PHTF2: variants seen among roughly 807,000 people sequenced by gnomAD.
PHTF2 encodes putative homeodomain transcription factor 2.
Under a neutral mutation model 101.2 loss-of-function variants are expected in PHTF2, and 60 were observed. The observed-to-expected ratio is 0.59, with a 90% CI of 0.48 to 0.73. The LOEUF (loss-of-function observed/expected upper bound fraction) is 0.73, where lower values mean the gene tolerates loss of function less well. PHTF2 is among the 30% of genes least tolerant of loss of function. PHTF2 has a pLI of 0.00. For missense variants in PHTF2, 747 were observed against 908.7 expected, an observed-to-expected ratio of 0.82 and a Z score of 2.29; for synonymous variants, 311 against 307.3, an observed-to-expected ratio of 1.01 and a Z score of -0.13.
intron 3 of PHTF2, among the ~76,000 whole-genome samples, chr7:77,867,010 G>A (rs1798123218): frequency 6.6e-6 from 1 of 152,132 alleles, no homozygotes; most frequent in South Asian, 2.1e-4. Flanking sequence ...TGACATAATG[G>A]TTAATTATTG....
chr7:77,936,787 C>T (rs560971526), intron 12 of PHTF2, among the ~76,000 whole-genome samples: 3 of 148,620 alleles, frequency 2.0e-5, no homozygotes, highest in Non-Finnish European at 4.4e-5. Context: ...TACTTCTCCT[C>T]TTGAAGTCTG....
intron 11 of PHTF2, among the ~76,000 whole-genome samples, chr7:77,927,157 C>CAAAAAAA (rs869210694): frequency 5.5e-4 from 20 of 36,524 alleles, no homozygotes; most frequent in African/African-American, 1.0e-3. Context: ...GACTCCATCT[C>CAAAAAAA]AAAAAAAAAA....
At chr7:77,941,842 G>A (rs1433470986) in intron 15 of PHTF2, among the ~76,000 whole-genome samples, 3 of 152,062 alleles carry the variant, frequency 2.0e-5, no homozygotes, top group Non-Finnish European at 4.4e-5. Context: ...ATTTAAAAAT[G>A]TATATTTGGC....
chr7:77,867,745 G>GT (rs1317176086), intron 3 of PHTF2, among the ~76,000 whole-genome samples: 1 of 152,212 alleles, frequency 6.6e-6, no homozygotes, highest in Admixed American at 6.5e-5. Context: ...ACAAGAGTAT[G>GT]TGAGAGCTTT....
chr7:77,916,920 A>G (rs543555255), intron 9 of PHTF2, among the ~76,000 whole-genome samples: 122 of 152,256 alleles, frequency 8.0e-4, no homozygotes, highest in African/African-American at 2.8e-3. Flanking sequence ...ACAAATATGG[A>G]ACCTGTGGAT....
intron 1 of PHTF2, 46 bp from the exon 2 acceptor site, chr7:77,840,175 G>T: frequency 9.9e-7 from 1 of 1,010,206 alleles, no homozygotes. Context: ...TCTCCTTTTG[G>T]AAGGTGGGAA....
chr7:77,864,200 C>T (rs1477464437), intron 3 of PHTF2, among the ~76,000 whole-genome samples: 1 of 152,172 alleles, frequency 6.6e-6, no homozygotes, highest in East Asian at 1.9e-4. Flanking sequence ...TACAGGAACT[C>T]ACATAAAGTT....
Position 77,954,840 on chromosome 7 carries a change from C to CTT in PHTF2, c.2338-17_2338-16insTT. On this transcript the variant is annotated splice_polypyrimidine_tract_variant and intron_variant, in intron 19 of 19. Coordinates refer to ENST00000416283, the Ensembl canonical transcript of PHTF2. ...TATTAAAACTGGCTTGTCACCACTT[C>CTT]TATTTTTTTTTTTCTAGCTATGGAA... 7.1e-7 allele frequency: 1 copy of CTT among 1,415,912 alleles called. No individual in the cohort carries two copies. Among genetic ancestry groups the CTT allele is most frequent in the Non-Finnish European group, 9.8e-7 (1 of 1,025,090 alleles). The allele number at this position is 1,415,912 out of a possible 1,614,324, so 87.7% of individuals were successfully genotyped here.
intron 12 of PHTF2, among the ~76,000 whole-genome samples, chr7:77,936,038 C>G (rs890450973): frequency 1.3e-5 from 2 of 152,126 alleles, no homozygotes; most frequent in African/African-American, 4.8e-5. Context: ...TCTTAGCACT[C>G]TTCAGGACCT....
At chr7:77,889,731 C>T (rs1800205385) in intron 3 of PHTF2, among the ~76,000 whole-genome samples, 1 of 151,814 alleles carries the variant, frequency 6.6e-6, no homozygotes, top group Admixed American at 6.6e-5. Flanking sequence ...GTGGGGACTA[C>T]AGGTCTGCAC....
chr7:77,912,786 G>T (rs975044476), intron 9 of PHTF2, among the ~76,000 whole-genome samples: 1 of 124,826 alleles, frequency 8.0e-6, no homozygotes, highest in Non-Finnish European at 1.6e-5. Context: ...TTGGTGGAGC[G>T]CAGTGGCGTG....
At chr7:77,806,634 T>C (rs185036335) in intron 1 of PHTF2, among the ~76,000 whole-genome samples, 1 of 152,324 alleles carries the variant, frequency 6.6e-6, no homozygotes, top group East Asian at 1.9e-4. Context: ...TTTCCTAATC[T>C]CTGCCTTTTA....
rs572203416 is a variant in PHTF2 at position 77,835,124 on chromosome 7, A to C, written c.-35-5097A>C. On this transcript the variant is annotated intron_variant, in intron 1 of 19. Coordinates refer to ENST00000416283, the Ensembl canonical transcript of PHTF2. ...CCTGTCTCTACTAAAAATACCAAAA[A>C]TTAGCCAGGCGTGGTGGTGGGCGCC... Among the ~76,000 whole-genome samples the C allele has an allele frequency of 3.7e-3, 562 of 152,204 alleles. 1 individual carries two copies. The highest frequency in any genetic ancestry group is 5.9e-3 in the Non-Finnish European group (401 of 67,992).
intron 3 of PHTF2, among the ~76,000 whole-genome samples, chr7:77,889,790 A>G (rs1453724299): frequency 6.6e-6 from 1 of 151,818 alleles, no homozygotes; most frequent in Admixed American, 6.6e-5. Flanking sequence ...TAGTAGAGAC[A>G]GGGTTTCACT....
In PHTF2 at chr7:77,901,273, A is replaced by G. The variant is rs185861169; in HGVS notation, c.287-489A>G. ...ATATCAGATATCTATCTGTCTGTCT[A>G]TCTTTTTAGAAATAAAAACATTGTG... On this transcript the variant is annotated intron_variant, in intron 6 of 19. Transcript: ENST00000416283. Among the ~76,000 whole-genome samples the G allele has an allele frequency of 2.9e-4, 44 of 152,364 alleles. 1 individual carries two copies. Among genetic ancestry groups the G allele is most frequent in the African/African-American group, 9.4e-4 (39 of 41,578 alleles).
intron 3 of PHTF2, among the ~76,000 whole-genome samples, chr7:77,885,693 C>A (rs1799780934): frequency 6.6e-6 from 1 of 152,172 alleles, no homozygotes; most frequent in Non-Finnish European, 1.5e-5. Context: ...GATCTGCCTG[C>A]CTCGGCCTCC....
intron 1 of PHTF2, among the ~76,000 whole-genome samples, chr7:77,822,417 T>C (rs753925002): frequency 6.6e-6 from 1 of 151,946 alleles, no homozygotes; most frequent in Non-Finnish European, 1.5e-5. Context: ...GATGGCACCA[T>C]GCTGCAGCAG....
chr7:77,942,038 T>C (rs1805677440), intron 15 of PHTF2, among the ~76,000 whole-genome samples: 3 of 152,232 alleles, frequency 2.0e-5, no homozygotes, highest in Non-Finnish European at 4.4e-5. Flanking sequence ...TTCCGTTCTT[T>C]ACATGAGCTG....
At chr7:77,841,449 A>C (rs2150581357) in intron 2 of PHTF2, among the ~76,000 whole-genome samples, 1 of 152,170 alleles carries the variant, frequency 6.6e-6, no homozygotes, top group South Asian at 2.1e-4. Flanking sequence ...AAGTTAGACA[A>C]ACTAAGAATA....
Sources: allele counts gnomAD v4.1 joint callset (sites outside exome capture counted in the v4.1 genomes callset), GRCh38; gene constraint gnomAD v4.1.1; transcripts MANE v1.5; gene names NCBI Gene and HGNC (gene_info 2026-07-23, HGNC 2026-07-21).